CDH13: variants seen among roughly 807,000 people sequenced by gnomAD.
CDH13 encodes the protein cadherin-13.
CDH13 carries 24 observed loss-of-function variants against 63.8 expected under a neutral mutation model. That is an observed-to-expected ratio of 0.38 (90% CI 0.27 to 0.53). The LOEUF (loss-of-function observed/expected upper bound fraction) is 0.53, where lower values mean the gene tolerates loss of function less well. CDH13 is among the 20% of genes least tolerant of loss of function. The probability of loss-of-function intolerance (pLI) is 0.85; values close to 1 mark genes in which losing one functional copy is unlikely to be tolerated. For synonymous variants in CDH13, 503 were observed against 355.3 expected, an observed-to-expected ratio of 1.42 and a Z score of -4.67; for missense variants, 1,049 against 903.1, an observed-to-expected ratio of 1.16 and a Z score of -2.07.
chr16:82,792,501 C>T (rs72805961), intron 1 of CDH13, among the ~76,000 whole-genome samples: 10,523 of 152,224 alleles, frequency 0.069, 446 homozygotes, highest in Middle Eastern at 0.12. Context: ...GGGTTCTGGA[C>T]TCCCTGAGGA....
chr16:83,044,884 A>G (rs991411519), intron 3 of CDH13, among the ~76,000 whole-genome samples: 9 of 152,164 alleles, frequency 5.9e-5, no homozygotes, highest in African/African-American at 2.2e-4. Context: ...GTCAGAGGTA[A>G]ATTTCCAGCT....
chr16:82,804,981 G>A (rs74368558), intron 1 of CDH13, among the ~76,000 whole-genome samples: 7,786 of 152,234 alleles, frequency 0.051, 301 homozygotes, highest in Non-Finnish European at 0.074. Context: ...AGATGTTCAA[G>A]GATGATATTC....
At chr16:82,714,616 A>C (rs1178842481) in intron 1 of CDH13, among the ~76,000 whole-genome samples, 1 of 143,880 alleles carries the variant, frequency 7.0e-6, no homozygotes, top group African/African-American at 2.6e-5. Context: ...CAGGAGCCTG[A>C]GGCAGGAGAA....
At position 83,035,207 on chromosome 16, in the gene CDH13, G is replaced by C. The variant is rs115744461; in HGVS notation, c.366+2989G>C. Among the ~76,000 whole-genome samples, 196 of 152,308 alleles carry C rather than the reference G, an allele frequency of 1.3e-3. 2 individuals carry two copies. The highest frequency in any genetic ancestry group is 4.3e-3 in the African/African-American group (180 of 41,564). Reference sequence around the variant, plus strand: ...GTGGTATGTTTGCAGGTCCTACTGTGTGCAGCCAAGTGGGCCAGCTGCTAG... The same window carrying C: ...GTGGTATGTTTGCAGGTCCTACTGTCTGCAGCCAAGTGGGCCAGCTGCTAG... On this transcript the variant is annotated intron_variant, in intron 3 of 13. Transcript: ENST00000567109.
At chr16:83,645,967 GC>G (rs1651141331) in intron 8 of CDH13, among the ~76,000 whole-genome samples, 1 of 152,180 alleles carries the variant, frequency 6.6e-6, no homozygotes, top group African/African-American at 2.4e-5. Flanking sequence ...TTAAACCATA[GC>G]TACATAAACT....
chr16:83,649,693 G>A (rs1912179963), intron 8 of CDH13, among the ~76,000 whole-genome samples: 1 of 152,134 alleles, frequency 6.6e-6, no homozygotes, highest in African/African-American at 2.4e-5. Flanking sequence ...AAGGGAGGGG[G>A]CCTGTGGGTT....
chr16:83,420,579 A>G (rs947955571), intron 6 of CDH13, among the ~76,000 whole-genome samples: 10 of 152,220 alleles, frequency 6.6e-5, no homozygotes, highest in African/African-American at 2.4e-4. Flanking sequence ...TACCAGTGGT[A>G]CCATTATCAT....
chr16:83,543,053 C>G (rs1015374113), intron 7 of CDH13, among the ~76,000 whole-genome samples: 1 of 152,226 alleles, frequency 6.6e-6, no homozygotes, highest in African/African-American at 2.4e-5. Flanking sequence ...TGCAAAAGTG[C>G]AAAGACAACA....
chr16:83,133,883 C>T (rs1012766785), intron 4 of CDH13, among the ~76,000 whole-genome samples: 2 of 152,232 alleles, frequency 1.3e-5, no homozygotes, highest in African/African-American at 4.8e-5. Flanking sequence ...ATGTCCTTCC[C>T]TGCCTTCCCA....
intron 8 of CDH13, among the ~76,000 whole-genome samples, chr16:83,617,009 AT>A (rs1909339775): frequency 6.6e-6 from 1 of 151,938 alleles, no homozygotes; most frequent in South Asian, 2.1e-4. Flanking sequence ...CAACTTATAA[AT>A]CCCCCAGGCA....
At chr16:83,322,254 C>T (rs1218792550) in intron 5 of CDH13, among the ~76,000 whole-genome samples, 1 of 152,060 alleles carries the variant, frequency 6.6e-6, no homozygotes, top group Non-Finnish European at 1.5e-5. Flanking sequence ...GCAGCACTTG[C>T]TACCCTCCAA....
intron 3 of CDH13, among the ~76,000 whole-genome samples, chr16:83,096,446 C>G (rs1322903783): frequency 3.3e-5 from 5 of 152,182 alleles, no homozygotes; most frequent in Non-Finnish European, 7.3e-5. Context: ...AAGGTATCCT[C>G]TCTGTACCAT....
At chr16:83,615,913 G>T (rs1304309811) in intron 8 of CDH13, among the ~76,000 whole-genome samples, 1 of 152,268 alleles carries the variant, frequency 6.6e-6, no homozygotes, top group South Asian at 2.1e-4. Flanking sequence ...AAAGGGGTGA[G>T]TTCATCACTT....
intron 1 of CDH13, chr16:82,824,074 C>G (rs1410522201): frequency 6.6e-6 from 1 of 151,878 alleles, no homozygotes; most frequent in Non-Finnish European, 1.5e-5. Flanking sequence ...CTTGTCATAC[C>G]AAGAAGCAGA....
chr16:83,102,965 T>A (rs112356412), intron 3 of CDH13, among the ~76,000 whole-genome samples: 2 of 107,860 alleles, frequency 1.9e-5, no homozygotes, highest in African/African-American at 3.5e-5. Flanking sequence ...TTTTTTTTTT[T>A]TTTTTGAGGT....
chr16:82,836,624 T>A (rs1315264119), intron 1 of CDH13, among the ~76,000 whole-genome samples: 1 of 152,148 alleles, frequency 6.6e-6, no homozygotes, highest in East Asian at 1.9e-4. Context: ...ATAATGGAAA[T>A]GACAGCGTCT....
chr16:83,794,979 G>C (rs564954023), intron 13 of CDH13, 44 bp from the exon 14 acceptor site: 1 of 1,566,458 alleles, frequency 6.4e-7, no homozygotes, highest in African/African-American at 1.4e-5. Flanking sequence ...GTTTTGAATT[G>C]AGTGGTGATA....
At chr16:83,357,045 T>C (rs991838275) in intron 6 of CDH13, among the ~76,000 whole-genome samples, 5 of 152,150 alleles carry the variant, frequency 3.3e-5, no homozygotes, top group African/African-American at 9.7e-5. Context: ...GCTTCTAACA[T>C]GGATGCCTTC....
intron 5 of CDH13, among the ~76,000 whole-genome samples, chr16:83,269,999 C>G (rs959252125): frequency 2.6e-5 from 4 of 152,150 alleles, no homozygotes; most frequent in Admixed American, 2.6e-4. Flanking sequence ...ATGTACTACA[C>G]CTCCTGAGAA....
Sources: gnomAD v4.1 joint callset for allele counts (sites outside exome capture counted in the v4.1 genomes callset) on GRCh38, gnomAD v4.1.1 for gene constraint, MANE v1.5 for transcripts, NCBI Gene and HGNC (gene_info 2026-07-23, HGNC 2026-07-21) for gene names.